Variants in KIF4A observed in about 807,000 individuals in gnomAD.
The protein encoded by KIF4A is kinesin family member 4A.
KIF4A carries 7 observed loss-of-function variants against 105.9 expected under a neutral mutation model. That is an observed-to-expected ratio of 0.07 (90% CI 0.04 to 0.12). KIF4A has a LOEUF of 0.12. Among genes scored for constraint, KIF4A ranks in the 10% least tolerant of loss-of-function variants. The pLI is 1.00. For missense variants in KIF4A, 558 were observed against 929.2 expected (o/e 0.60, Z 5.19); for synonymous variants, 281 against 331.3 (o/e 0.85, Z 1.65).
At position 70,297,321 on chromosome X, in the gene KIF4A, T is replaced by C. The variant is rs138078757; in HGVS notation, c.426+133T>C. The C allele has an allele frequency of 1.7e-4, 94 of 557,523 alleles. No homozygotes were observed. In the East Asian group the frequency reaches 3.3e-3, roughly 20 times the overall value. The allele number at this position is 557,523 out of a possible 1,213,427, so 45.9% of individuals were successfully genotyped here. On this transcript the variant is annotated intron_variant, in intron 4 of 30. Transcript: ENST00000374403. The stretch of plus-strand genomic sequence containing the variant: ...TAATTAATTGATAGAGAAAACTTAC[T>C]GACTCAGTTGGATCCGGCTCCCACC...
At chrX:70,356,282 A>G (rs887836079) in intron 15 of KIF4A, among the ~76,000 whole-genome samples, 2 of 110,157 alleles carry the variant, frequency 1.8e-5, no homozygotes, top group African/African-American at 6.6e-5. Flanking sequence ...CCATCCCAAC[A>G]AAAAAAACTT....
intron 22 of KIF4A, among the ~76,000 whole-genome samples, chrX:70,396,711 T>C (rs2086260916): frequency 8.9e-6 from 1 of 112,234 alleles, no homozygotes; most frequent in Non-Finnish European, 1.9e-5. Flanking sequence ...TCTAACATGG[T>C]AAGTAAAGTT....
chrX:70,383,369 A>G (rs1461027573), intron 18 of KIF4A, among the ~76,000 whole-genome samples: 1 of 112,181 alleles, frequency 8.9e-6, no homozygotes, highest in Non-Finnish European at 1.9e-5. Flanking sequence ...AAAAAGACAG[A>G]TAATAATAAG....
intron 7 of KIF4A, among the ~76,000 whole-genome samples, chrX:70,313,315 A>G (rs746764033): frequency 7.1e-5 from 8 of 112,139 alleles, no homozygotes; most frequent in African/African-American, 1.9e-4. Context: ...TTCCATCCCT[A>G]TCTTACAGAA....
chrX:70,392,867 T>C (rs2086243008), intron 20 of KIF4A, among the ~76,000 whole-genome samples: 1 of 106,542 alleles, frequency 9.4e-6, no homozygotes, highest in Non-Finnish European at 1.9e-5. Flanking sequence ...TAATTATTAT[T>C]ATTATTATTT....
intron 7 of KIF4A, among the ~76,000 whole-genome samples, chrX:70,318,566 C>G (rs1259315897): frequency 8.9e-6 from 1 of 111,960 alleles, no homozygotes; most frequent in African/African-American, 3.2e-5. Flanking sequence ...TTATAGAGTA[C>G]ATATATACCA....
chrX:70,342,705 G>A (rs992918583), intron 11 of KIF4A, among the ~76,000 whole-genome samples: 4 of 112,328 alleles, frequency 3.6e-5, no homozygotes, highest in Admixed American at 9.4e-5. Context: ...TAAATCCTAC[G>A]TCCATTGTAT....
At chrX:70,294,396 T>TA (rs2085772735) in intron 3 of KIF4A, among the ~76,000 whole-genome samples, 1 of 112,720 alleles carries the variant, frequency 8.9e-6, no homozygotes, top group Non-Finnish European at 1.9e-5. Flanking sequence ...TTAAAAATGA[T>TA]AAAAAGTATG....
At chrX:70,373,510 A>G (rs1490226311) in intron 15 of KIF4A, among the ~76,000 whole-genome samples, 2 of 24,565 alleles carry the variant, frequency 8.1e-5, no homozygotes, top group African/African-American at 2.1e-4. Flanking sequence ...ATATATATAT[A>G]CATGTGTGTG....
rs976992091 is a variant in KIF4A, at chrX:70,395,532, G to T, written c.2233-139G>T. On this transcript the variant is annotated intron_variant, in intron 20 of 30. Coordinates refer to ENST00000374403, the MANE Select transcript of KIF4A (RefSeq NM_012310.5). ...TCTTCGAGAGGTACTGACATTTTTGGTAAGTGTAGGTATGAATGGATATCA... is the reference window on the plus strand; with the variant it reads ...TCTTCGAGAGGTACTGACATTTTTGTTAAGTGTAGGTATGAATGGATATCA... The T allele has an allele frequency of 1.5e-5, 10 of 671,674 alleles. No individual in the cohort carries two copies. The Admixed American group carries it at 1.8e-4, about 12-fold the overall frequency. 55.4% of individuals were successfully genotyped at this position (671,674 alleles called of 1,213,427 possible).
chrX:70,403,999 G>A lies in KIF4A; in HGVS notation c.2755G>A (p.Glu919Lys), dbSNP rs2086291176. The A allele has an allele frequency of 5.0e-6, 6 of 1,211,547 alleles. No homozygotes were observed. Among genetic ancestry groups the A allele is most frequent in the Non-Finnish European group, 6.7e-6 (6 of 895,496 alleles). The change falls in exon 24 of 31, where the codon GAG becomes AAG. Residue 919 changes from glutamate to lysine, a missense_variant. By Grantham distance (56) the Glu-to-Lys change is moderately conservative. Coordinates refer to ENST00000374403, the MANE Select transcript of KIF4A (RefSeq NM_012310.5). ...CGAGATAGAGACAGAGTTACAAGCT[G>A]AGCTGGTCAGAATGGAGCAACAGCA... ...FAEIETELQA[E>K]LVRMEQQHQE...
In KIF4A at chrX:70,374,195, G is replaced by A. The variant is rs1602785969; in HGVS notation, c.1719G>A (p.Lys573=). 1.7e-6 allele frequency: 2 copies of A among 1,203,308 alleles called. No individual in the cohort carries two copies. Among genetic ancestry groups the A allele is most frequent in the East Asian group, 5.9e-5 (2 of 33,691 alleles). The part of the protein sequence containing the change: ...ELELEVINLQ[K]EKEELVLELQ... Reference sequence around the variant, plus strand: ...AATTAGAAGTCATCAATCTGCAAAAGGAAAAGGAAGAATTGGTTCTTGAAC... The same window carrying A: ...AATTAGAAGTCATCAATCTGCAAAAAGAAAAGGAAGAATTGGTTCTTGAAC... The change falls in exon 16 of 31, where the codon AAG becomes AAA. Residue 573 remains lysine (K), a synonymous_variant. Coordinates refer to ENST00000374403, the MANE Select transcript of KIF4A (RefSeq NM_012310.5).
intron 10 of KIF4A, among the ~76,000 whole-genome samples, chrX:70,337,226 C>T (rs758939096): frequency 9.0e-6 from 1 of 111,364 alleles, no homozygotes; most frequent in Non-Finnish European, 1.9e-5. Flanking sequence ...TGGTGCATGC[C>T]GAAGTCCCAG....
chrX:70,297,226 T>A, intron 4 of KIF4A, 38 bp downstream of exon 4: 1 of 1,111,135 alleles, frequency 9.0e-7, no homozygotes, highest in Non-Finnish European at 1.2e-6. Flanking sequence ...AATTCGAAAT[T>A]GTCTTTGGGT....
At chrX:70,295,889 C>A (rs1227575972) in intron 3 of KIF4A, among the ~76,000 whole-genome samples, 1 of 105,871 alleles carries the variant, frequency 9.4e-6, no homozygotes, top group Admixed American at 1.0e-4. Context: ...TGCACTCCAG[C>A]CTGGGCGGCA....
chrX:70,321,656 T>C (rs1275718216), intron 7 of KIF4A, among the ~76,000 whole-genome samples: 1 of 111,935 alleles, frequency 8.9e-6, no homozygotes, highest in Admixed American at 9.5e-5. Flanking sequence ...CAACTGACTT[T>C]CTGCCCTCAG....
intron 7 of KIF4A, among the ~76,000 whole-genome samples, chrX:70,309,209 C>A (rs1165204043): frequency 8.9e-6 from 1 of 112,217 alleles, no homozygotes; most frequent in Non-Finnish European, 1.9e-5. Context: ...ACTCTACCTA[C>A]AAAATATGAT....
chrX:70,336,895 A>G lies in KIF4A; in HGVS notation c.1133+3206A>G, dbSNP rs772658227. Among the ~76,000 whole-genome samples, 8 of 111,565 alleles carry G rather than the reference A, an allele frequency of 7.2e-5. No homozygotes were observed. In the East Asian group the frequency reaches 1.1e-3, roughly 16 times the overall value. ...ACTGAAACTCTATACCCACTAAACA[A>G]TAACTCCTCATTTCCTCTCTCCTCA... On this transcript the variant is annotated intron_variant, in intron 10 of 30. Transcript: ENST00000374403.
intron 10 of KIF4A, among the ~76,000 whole-genome samples, chrX:70,339,071 C>T (rs187802674): frequency 1.8e-4 from 17 of 94,303 alleles, no homozygotes; most frequent in African/African-American, 6.1e-4. Context: ...GGTGACAGAG[C>T]GAGACTCCAT....
Sources: allele counts gnomAD v4.1 joint callset (sites outside exome capture counted in the v4.1 genomes callset), GRCh38; gene constraint gnomAD v4.1.1; transcripts MANE v1.5; gene names NCBI Gene and HGNC (gene_info 2026-07-23, HGNC 2026-07-21).